The following PDE1C variants were observed in gnomAD, a reference collection of about 807,000 sequenced individuals.
The protein encoded by PDE1C is dual specificity calcium/calmodulin-dependent 3',5'-cyclic nucleotide phosphodiesterase 1C.
PDE1C carries 62 observed loss-of-function variants against 93.1 expected under a neutral mutation model. That is an observed-to-expected ratio of 0.67 (90% confidence interval 0.54 to 0.82). The LOEUF (loss-of-function observed/expected upper bound fraction) is 0.82. Among genes scored for constraint, PDE1C ranks in the 40% least tolerant of loss-of-function variants. PDE1C has a pLI of 0.00. For missense variants in PDE1C, 742 were observed against 884.6 expected, an observed-to-expected ratio of 0.84 and a Z score of 2.04; for synonymous variants, 325 against 310.1, an observed-to-expected ratio of 1.05 and a Z score of -0.50.
At chr7:31,880,526 C>A in intron 3 of PDE1C, among the ~76,000 whole-genome samples, 1 of 152,088 alleles carries the variant, frequency 6.6e-6, no homozygotes, top group Non-Finnish European at 1.5e-5. Context: ...CTTGTCATGG[C>A]GGCCATATGA....
At chr7:32,260,522 C>A (rs1435320560) in intron 1 of PDE1C, among the ~76,000 whole-genome samples, 1 of 152,150 alleles carries the variant, frequency 6.6e-6, no homozygotes, top group Admixed American at 6.5e-5. Flanking sequence ...CCATGGAGGG[C>A]AGCCCTCTGT....
chr7:31,939,230 AAGGAGGAGG>A (rs111840541), intron 2 of PDE1C, among the ~76,000 whole-genome samples: 1 of 151,598 alleles, frequency 6.6e-6, no homozygotes, highest in East Asian at 1.9e-4. Context: ...GAAGAAGAAG[AAGGAGGAGG>A]AGGAGGAGAA....
chr7:32,117,928 G>A (rs1799074711), intron 3 of PDE1C, among the ~76,000 whole-genome samples: 1 of 152,190 alleles, frequency 6.6e-6, no homozygotes, highest in South Asian at 2.1e-4. Flanking sequence ...GGAGCCAGCT[G>A]GGATCTGCAT....
Position 31,824,852 on chromosome 7 carries a change from A to G in PDE1C, c.1406+15T>C, listed in dbSNP as rs1562870219. 6.2e-7 allele frequency: 1 copy of G among 1,611,970 alleles called. No homozygotes were observed. ...AGGCCAACCTCACCCTCAGCCCTCA[A>G]GCTTCCCCACTGACCTCGAACGCCT... On this transcript the variant is annotated intron_variant, in intron 13 of 17. Coordinates refer to ENST00000396191, the MANE Select transcript of PDE1C (RefSeq NM_001191057.4).
intron 1 of PDE1C, among the ~76,000 whole-genome samples, chr7:32,264,770 C>A (rs1810452111): frequency 6.6e-6 from 1 of 152,196 alleles, no homozygotes. Flanking sequence ...TGTCCCATGC[C>A]TCCACATTGT....
the PDE1C span, among the ~76,000 whole-genome samples, chr7:31,630,603 G>A: frequency 2.6e-5 from 4 of 152,070 alleles, no homozygotes; most frequent in East Asian, 3.9e-4. Context: ...CAACAGGGAA[G>A]ATCTGCATCG....
At chr7:31,642,975 G>C in the PDE1C span, 4 of 1,614,034 alleles carry the variant, frequency 2.5e-6, no homozygotes, top group Non-Finnish European at 3.4e-6. Flanking sequence ...AATGCCCAAG[G>C]AAAGACAGCC....
chr7:31,727,398 C>T, the PDE1C span, among the ~76,000 whole-genome samples: 4 of 152,246 alleles, frequency 2.6e-5, no homozygotes, highest in African/African-American at 9.6e-5. Context: ...CAATGAATGG[C>T]CCATAGTTCA....
the PDE1C span, chr7:31,687,099 T>A: frequency 1.3e-5 from 2 of 152,242 alleles, no homozygotes; most frequent in East Asian, 1.9e-4. Flanking sequence ...GCGATGGAGA[T>A]GTTAGTCCTC....
chr7:31,789,704 T>C (rs1472334743), intron 16 of PDE1C: 11 of 985,368 alleles, frequency 1.1e-5, no homozygotes, highest in African/African-American at 1.7e-5. Flanking sequence ...AAAACAAATG[T>C]TCCTGACTCA....
intron 6 of PDE1C, 63 bp downstream of exon 6, chr7:31,873,226 AAAG>A: frequency 1.0e-6 from 1 of 981,980 alleles, no homozygotes; most frequent in Non-Finnish European, 1.6e-6. Context: ...TCTGAACCCA[AAAG>A]TCATATGAGG....
At chr7:31,699,172 G>A in the PDE1C span, among the ~76,000 whole-genome samples, 2 of 134,030 alleles carry the variant, frequency 1.5e-5, no homozygotes, top group East Asian at 6.3e-4. Flanking sequence ...TCAGAAAGAG[G>A]AAAGGTTCTG....
the PDE1C span, among the ~76,000 whole-genome samples, chr7:31,627,774 G>A: frequency 6.6e-6 from 1 of 151,622 alleles, no homozygotes; most frequent in African/African-American, 2.4e-5. Flanking sequence ...TTTAAGCTTG[G>A]GTGGTTTATG....
chr7:31,696,837 T>C, the PDE1C span: 1 of 1,075,268 alleles, frequency 9.3e-7, no homozygotes, highest in African/African-American at 1.6e-5. Flanking sequence ...AAAGTCTTGC[T>C]TTATTAAAGT....
At chr7:31,907,438 G>A (rs747065364) in intron 2 of PDE1C, among the ~76,000 whole-genome samples, 1 of 152,078 alleles carries the variant, frequency 6.6e-6, no homozygotes, top group Non-Finnish European at 1.5e-5. Flanking sequence ...TATAAACCAT[G>A]AGCCTAACAG....
At chr7:32,259,417 C>G (rs1000327176) in intron 1 of PDE1C, among the ~76,000 whole-genome samples, 3 of 152,136 alleles carry the variant, frequency 2.0e-5, no homozygotes, top group African/African-American at 7.2e-5. Flanking sequence ...GTGCTCAGGG[C>G]CCCGGCAAGT....
At chr7:32,181,737 G>T (rs1191570439) in intron 2 of PDE1C, among the ~76,000 whole-genome samples, 1 of 152,032 alleles carries the variant, frequency 6.6e-6, no homozygotes, top group Non-Finnish European at 1.5e-5. Context: ...ACAATTAAAA[G>T]AACTAGAAAA....
chr7:31,714,619 A>C, the PDE1C span, among the ~76,000 whole-genome samples: 1 of 152,218 alleles, frequency 6.6e-6, no homozygotes, highest in Non-Finnish European at 1.5e-5. Flanking sequence ...AGTTTAATGG[A>C]CTTGCAGTTT....
chr7:32,014,139 C>T (rs1162117747), intron 2 of PDE1C, among the ~76,000 whole-genome samples: 1 of 152,106 alleles, frequency 6.6e-6, no homozygotes, highest in Non-Finnish European at 1.5e-5. Context: ...AGACCAGACC[C>T]AGAAAAAAGT....
Sources: allele counts gnomAD v4.1 joint callset (sites outside exome capture counted in the v4.1 genomes callset), GRCh38; gene constraint gnomAD v4.1.1; transcripts MANE v1.5; gene names NCBI Gene and HGNC (gene_info 2026-07-23, HGNC 2026-07-21).